Variants in MR1 observed in about 807,000 individuals in gnomAD.
The protein encoded by MR1 is major histocompatibility complex, class I-related.
A neutral mutation model predicts 37.8 loss-of-function variants in MR1; 44 were observed. That is an observed-to-expected ratio of 1.16 (90% CI 0.91 to 1.50). The LOEUF (loss-of-function observed/expected upper bound fraction) is 1.50, where lower values mean the gene tolerates loss of function less well. Ranked by LOEUF, MR1 falls within the 40% of genes most tolerant of loss-of-function variation. The pLI is 0.00. For synonymous variants in MR1, 153 were observed against 155.8 expected (o/e 0.98, Z 0.13); for missense variants, 386 against 419.1 (o/e 0.92, Z 0.69).
chr1:181,034,187 G>GT, intron 1 of MR1, 113 bp downstream of exon 1: 1 of 924,340 alleles, frequency 1.1e-6, no homozygotes, highest in Non-Finnish European at 1.6e-6. Context: ...GGGCAGAAAC[G>GT]TGTATGTATT....
At chr1:181,041,376 G>C (rs371778351) in intron 1 of MR1, among the ~76,000 whole-genome samples, 37 of 152,118 alleles carry the variant, frequency 2.4e-4, no homozygotes, top group African/African-American at 8.5e-4. Context: ...CAGGAATGTA[G>C]ACCTCAGAGA....
In MR1 at chr1:181,052,416, G is replaced by A. The variant is rs528551338; in HGVS notation, c.786G>A (p.Ala262=). ...CCAGTGGGGATGGAACCTATCAGGC[G>A]TGGGCATCAATTGAGCTTGATCCTC... ...ILPSGDGTYQ[A]WASIELDPQS... Residue 262 remains alanine (A), a synonymous_variant, in exon 4 of 6, where the codon GCG becomes GCA. Transcript: ENST00000367580. 44 of 1,614,164 alleles carry A rather than the reference G, an allele frequency of 2.7e-5. No homozygotes were observed. The highest frequency in any genetic ancestry group is 9.9e-5 in the South Asian group (9 of 91,074).
At chr1:181,052,643 T>A in intron 4 of MR1, 133 bp downstream of exon 4, 1 of 989,950 alleles carries the variant, frequency 1.0e-6, no homozygotes, top group Non-Finnish European at 1.4e-6. Context: ...GTCTTTTAAA[T>A]AAGTGGTTCT....
chr1:181,047,236 T>C (rs1435844855), intron 1 of MR1, among the ~76,000 whole-genome samples: 1 of 151,262 alleles, frequency 6.6e-6, no homozygotes, highest in African/African-American at 2.4e-5. Flanking sequence ...AACTAGTAAG[T>C]AGAAAAAGAA....
rs1216579664 is a variant in MR1 at position 181,061,660 on chromosome 1, T to C, written c.*6395T>C. ...AATCTATTTTAAAAATTTTATGTAA[T>C]ACTGCACAGTCTGTTTGCATGATGC... On this transcript the variant is annotated 3_prime_UTR_variant, in exon 6 of 6. Transcript: ENST00000367580. 1 of 152,252 alleles carries C rather than the reference T, an allele frequency of 6.6e-6. No homozygotes were observed. Among genetic ancestry groups the C allele is most frequent in the Non-Finnish European group, 1.5e-5 (1 of 68,042 alleles). 9.4% of individuals were successfully genotyped at this position (152,252 alleles called of 1,614,324 possible).
chr1:181,041,134 T>TA (rs1657533904), intron 1 of MR1, among the ~76,000 whole-genome samples: 8 of 152,020 alleles, frequency 5.3e-5, no homozygotes, highest in Admixed American at 4.6e-4. Flanking sequence ...GCACAATACT[T>TA]ACTTGGACAG....
Position 181,057,679 on chromosome 1 carries a change from TATA to T in MR1, c.*2418_*2420del, listed in dbSNP as rs1266279215. On this transcript the variant is annotated 3_prime_UTR_variant, in exon 6 of 6. Coordinates refer to ENST00000367580, the MANE Select transcript of MR1 (RefSeq NM_001385161.1). The stretch of plus-strand genomic sequence containing the variant: ...ATTTATGTTTCTTCCTGGGGGATTT[TATA>T]ATACTAAAAGAATCATAATATAAAG... 6.6e-6 allele frequency: 1 copy of T among 152,134 alleles called. No individual in the cohort carries two copies. Among genetic ancestry groups the T allele is most frequent in the African/African-American group, 2.4e-5 (1 of 41,432 alleles). The allele number at this position is 152,134 out of a possible 1,614,324, so 9.4% of individuals were successfully genotyped here. A position where few individuals can be genotyped will look rare whatever the true frequency, so the allele number is the denominator to read the frequency against.
intron 2 of MR1, 85 bp from the exon 3 acceptor site, chr1:181,049,926 C>A: frequency 1.4e-6 from 2 of 1,473,914 alleles, no homozygotes; most frequent in Non-Finnish European, 1.8e-6. Flanking sequence ...CCAAAGGATG[C>A]TTCCAGCCAT....
intron 1 of MR1, among the ~76,000 whole-genome samples, chr1:181,034,907 T>G (rs1571373579): frequency 6.6e-6 from 1 of 152,198 alleles, no homozygotes; most frequent in Non-Finnish European, 1.5e-5. Context: ...TGTGTGTTAC[T>G]TGGGTGATGG....
Position 181,033,987 on chromosome 1 carries a change from G to A in MR1, c.-21G>A. 1 of 1,601,038 alleles carries A rather than the reference G, an allele frequency of 6.2e-7. No homozygotes were observed. Among genetic ancestry groups the A allele is most frequent in the South Asian group, 1.1e-5 (1 of 88,810 alleles). On this transcript the variant is annotated 5_prime_UTR_variant, in exon 1 of 6. Coordinates refer to ENST00000367580, the MANE Select transcript of MR1 (RefSeq NM_001385161.1). Reference sequence around the variant, plus strand: ...GGGACCTGTCAGTTTTTGGTTAAAAGAACCCGGAAAGAGAAGGACTATGGG... The same window carrying A: ...GGGACCTGTCAGTTTTTGGTTAAAAAAACCCGGAAAGAGAAGGACTATGGG...
intron 1 of MR1, among the ~76,000 whole-genome samples, chr1:181,044,094 G>C (rs921363178): frequency 6.6e-6 from 1 of 151,430 alleles, no homozygotes; most frequent in African/African-American, 2.4e-5. Context: ...CTCCCAAGTA[G>C]CTGGGACTAC....
chr1:181,047,110 C>T (rs951143530), intron 1 of MR1, among the ~76,000 whole-genome samples: 1 of 152,082 alleles, frequency 6.6e-6, no homozygotes, highest in Non-Finnish European at 1.5e-5. Context: ...ACTTTGTCTC[C>T]GTCAGGCCCT....
intron 1 of MR1, among the ~76,000 whole-genome samples, chr1:181,034,346 T>C (rs1238068665): frequency 6.6e-6 from 1 of 152,208 alleles, no homozygotes; most frequent in African/African-American, 2.4e-5. Context: ...TGGCCTCCTT[T>C]CTTTTCTGCT....
chr1:181,049,725 G>A, intron 2 of MR1: 1 of 503,034 alleles, frequency 2.0e-6, no homozygotes, highest in Non-Finnish European at 3.6e-6. Context: ...CTCCTCCACT[G>A]CAGTCAGAAT....
chr1:181,053,778 C>G (rs1658459983), intron 5 of MR1, 101 bp downstream of exon 5: 1 of 868,382 alleles, frequency 1.2e-6, no homozygotes, highest in African/African-American at 1.7e-5. Context: ...TCAGAAATGG[C>G]TTGGCTCTCA....
At chr1:181,044,092 T>C (rs917597869) in intron 1 of MR1, among the ~76,000 whole-genome samples, 5 of 151,618 alleles carry the variant, frequency 3.3e-5, no homozygotes, top group African/African-American at 7.3e-5. Flanking sequence ...GCCTCCCAAG[T>C]AGCTGGGACT....
At chr1:181,038,641 C>A (rs953676379) in intron 1 of MR1, among the ~76,000 whole-genome samples, 1 of 152,054 alleles carries the variant, frequency 6.6e-6, no homozygotes, top group Non-Finnish European at 1.5e-5. Flanking sequence ...AGTGATAATC[C>A]AGGGGCTAGA....
At position 181,049,296 on chromosome 1, in the gene MR1, G is replaced by A. The variant is rs550176170; in HGVS notation, c.312G>A (p.Arg104=). The change falls in exon 2 of 6, where the codon AGG becomes AGA. Residue 104 remains arginine, a synonymous_variant. Transcript: ENST00000367580. ...AGGTGGAACTGAAGCGCCTACAGAG[G>A]CACTACAATCACTCAGGTGTGCATG... ...MFKVELKRLQ[R]HYNHSGSHTY... is the part of the protein sequence containing the mutation. The A allele has an allele frequency of 1.3e-4, 203 of 1,613,682 alleles. No homozygotes were observed. Among genetic ancestry groups the A allele is most frequent in the Admixed American group, 9.5e-4 (57 of 59,974 alleles).
At chr1:181,040,766 T>TAA (rs1024735712) in intron 1 of MR1, among the ~76,000 whole-genome samples, 1 of 137,794 alleles carries the variant, frequency 7.3e-6, no homozygotes, top group African/African-American at 2.7e-5. Flanking sequence ...AGATTGAAGT[T>TAA]AAAAAAAAAA....
Sources: allele counts gnomAD v4.1 joint callset (sites outside exome capture counted in the v4.1 genomes callset), GRCh38; gene constraint gnomAD v4.1.1; transcripts MANE v1.5; gene names NCBI Gene and HGNC (gene_info 2026-07-23, HGNC 2026-07-21).